Variants in RASEF observed in about 807,000 individuals in gnomAD.
RASEF encodes ras and EF-hand domain-containing protein.
In RASEF, 68 loss-of-function variants were observed where a neutral mutation model predicts 90.1. The ratio of observed to expected loss-of-function variants is 0.75; its 90% CI spans 0.62 to 0.92. RASEF has a LOEUF of 0.92. Among genes scored for constraint, RASEF ranks in the 40% least tolerant of loss-of-function variants. The pLI is 0.00. For synonymous variants in RASEF, 331 were observed against 345.2 expected (o/e 0.96, Z 0.46); for missense variants, 949 against 937.2 (o/e 1.01, Z -0.16).
chr9:83,114,489 C>T, the RASEF span, among the ~76,000 whole-genome samples: 3 of 152,168 alleles, frequency 2.0e-5, no homozygotes, highest in Admixed American at 1.3e-4. Context: ...GAGAGAGAAC[C>T]TTAAACTCTG....
At chr9:82,993,059 C>A in intron 14 of RASEF, 34 bp from the exon 15 acceptor site, 2 of 1,607,326 alleles carry the variant, frequency 1.2e-6, no homozygotes, top group South Asian at 2.2e-5. Flanking sequence ...GGGCACACAT[C>A]AAACACTGGA....
chr9:83,214,265 T>C, the RASEF span, among the ~76,000 whole-genome samples: 1 of 152,126 alleles, frequency 6.6e-6, no homozygotes, highest in Non-Finnish European at 1.5e-5. Flanking sequence ...GCATCTGTAA[T>C]CTCAGCTACT....
chr9:83,009,719 T>A lies in RASEF; in HGVS notation c.881A>T (p.Gln294Leu). Residue 294 changes from glutamine to leucine, a missense_variant, in exon 6 of 17, where the codon CAG becomes CTG. This residue lies in a region of RASEF where 656 missense variants were observed against 592.2 expected (regional missense o/e 1.11). Coordinates refer to ENST00000376447, the MANE Select transcript of RASEF (RefSeq NM_152573.4). ...QKVKKDLLEA[Q>L]TNIAFLQSEL... Reference sequence around the variant, plus strand: ...ACTCTGAAGAAAGGCTATGTTTGTCTGTGCTTCTAAAAGGTCTTTCTTAAC... The same window carrying A: ...ACTCTGAAGAAAGGCTATGTTTGTCAGTGCTTCTAAAAGGTCTTTCTTAAC... The A allele has an allele frequency of 1.2e-6, 2 of 1,613,564 alleles. No individual in the cohort carries two copies. Among genetic ancestry groups the A allele is most frequent in the Non-Finnish European group, 1.7e-6 (2 of 1,179,592 alleles).
At chr9:83,208,547 T>A in the RASEF span, among the ~76,000 whole-genome samples, 7 of 152,324 alleles carry the variant, frequency 4.6e-5, no homozygotes, top group South Asian at 1.5e-3. Context: ...AAACATCTCA[T>A]CCTCACTGGA....
rs766102616 is a variant in RASEF at position 83,062,711 on chromosome 9, G to A, written c.157C>T (p.Arg53Trp). ...GCGCCGTCACGGTCGGCGTCCAGCC[G>A]CTGGAATACTGCCTCGGCGTCGGCC... Reference protein sequence around the residue: ...RPADAEAVFQRLDADRDGAIT... With the variant: ...RPADAEAVFQWLDADRDGAIT... Residue 53 changes from arginine (R) to tryptophan (W), a missense_variant, in exon 1 of 17, where the codon CGG becomes TGG. Physicochemically the swap from Arg to Trp is moderately radical, Grantham distance 101 (BLOSUM62 -3). Transcript: ENST00000376447. 23 of 1,578,956 alleles carry A rather than the reference G, an allele frequency of 1.5e-5. No homozygotes were observed. Among genetic ancestry groups the A allele is most frequent in the Non-Finnish European group, 1.9e-5 (22 of 1,171,190 alleles).
At chr9:82,986,788 A>T (rs1036824260) in intron 16 of RASEF, among the ~76,000 whole-genome samples, 4 of 152,206 alleles carry the variant, frequency 2.6e-5, no homozygotes, top group African/African-American at 9.6e-5. Context: ...TTGATAATTA[A>T]ATGCCTCTTG....
chr9:83,000,384 C>T (rs1231541312), intron 11 of RASEF, 49 bp downstream of exon 11: 15 of 1,611,056 alleles, frequency 9.3e-6, no homozygotes, highest in Non-Finnish European at 3.4e-6. Flanking sequence ...TAACACTGCA[C>T]AGAAAATAAG....
the RASEF span, among the ~76,000 whole-genome samples, chr9:83,109,372 T>C: frequency 6.6e-6 from 1 of 152,236 alleles, no homozygotes; most frequent in Non-Finnish European, 1.5e-5. Flanking sequence ...ATACTCCCTG[T>C]GTTTCTGTAA....
At chr9:83,086,376 T>C in the RASEF span, among the ~76,000 whole-genome samples, 2 of 152,162 alleles carry the variant, frequency 1.3e-5, no homozygotes, top group Admixed American at 1.3e-4. Flanking sequence ...AAGCAGAAAC[T>C]GTCTGGAGGT....
the RASEF span, among the ~76,000 whole-genome samples, chr9:83,182,755 T>A: frequency 1.4e-4 from 21 of 152,156 alleles, no homozygotes; most frequent in Admixed American, 1.4e-3. Flanking sequence ...AGTATTTGGG[T>A]GATTTACGTT....
chr9:83,062,937 G>A lies in RASEF; in HGVS notation c.-70C>T, dbSNP rs1830244007. 1 of 1,350,158 alleles carries A rather than the reference G, an allele frequency of 7.4e-7. No individual in the cohort carries two copies. The highest frequency in any genetic ancestry group is 1.8e-5 in the South Asian group (1 of 56,664). 83.6% of individuals were successfully genotyped at this position (1,350,158 alleles called of 1,614,324 possible). A position where few individuals can be genotyped will look rare whatever the true frequency, so the allele number is the denominator to read the frequency against. ...GCGCAGGGCCCTCCCTGGAAGGACG[G>A]GGCCACCTGCTGCCGCCGGGAGGCC... On this transcript the variant is annotated 5_prime_UTR_variant, in exon 1 of 17. Transcript: ENST00000376447.
At chr9:83,127,825 T>A in the RASEF span, among the ~76,000 whole-genome samples, 1 of 152,154 alleles carries the variant, frequency 6.6e-6, no homozygotes, top group Admixed American at 6.5e-5. Context: ...TAGCCATTGA[T>A]GCCAAAACAA....
chr9:82,996,615 G>A (rs1828924963), intron 14 of RASEF, among the ~76,000 whole-genome samples: 1 of 152,124 alleles, frequency 6.6e-6, no homozygotes, highest in South Asian at 2.1e-4. Context: ...TCCAGGTGGT[G>A]TTTCACCTGT....
the RASEF span, among the ~76,000 whole-genome samples, chr9:83,166,293 A>T: frequency 3.0e-4 from 45 of 152,312 alleles, no homozygotes; most frequent in African/African-American, 9.9e-4. Context: ...ACAGCAATGT[A>T]TTTAAAAAAT....
chr9:83,004,340 T>A (rs1829089906), intron 9 of RASEF, among the ~76,000 whole-genome samples, 158 bp downstream of exon 9: 1 of 152,206 alleles, frequency 6.6e-6, no homozygotes, highest in Admixed American at 6.5e-5. Context: ...ACACTTTTAA[T>A]TTTTACATGA....
intron 16 of RASEF, 100 bp downstream of exon 16, chr9:82,990,291 G>A (rs1161635232): frequency 7.9e-6 from 6 of 762,324 alleles, no homozygotes; most frequent in Middle Eastern, 2.4e-4. Context: ...AGATAAGAGA[G>A]TGTTTTCCCG....
At chr9:83,170,041 A>G in the RASEF span, among the ~76,000 whole-genome samples, 1 of 151,900 alleles carries the variant, frequency 6.6e-6, no homozygotes. Flanking sequence ...TATTTTCTTC[A>G]AGTAGTTTCC....
chr9:83,087,341 A>T, the RASEF span, among the ~76,000 whole-genome samples: 1 of 151,026 alleles, frequency 6.6e-6, no homozygotes, highest in African/African-American at 2.4e-5. Flanking sequence ...AGCCTTCATG[A>T]TGGGAGTAGT....
At chr9:83,194,218 A>G in the RASEF span, among the ~76,000 whole-genome samples, 9 of 152,240 alleles carry the variant, frequency 5.9e-5, no homozygotes, top group Non-Finnish European at 1.0e-4. Context: ...CATCCAAGAT[A>G]TAACATTACC....
Sources: allele counts gnomAD v4.1 joint callset (sites outside exome capture counted in the v4.1 genomes callset), GRCh38; gene constraint gnomAD v4.1.1; regional missense constraint gnomAD v4.1.1; transcripts MANE v1.5; gene names NCBI Gene and HGNC (gene_info 2026-07-23, HGNC 2026-07-21).